PCNX1: variants seen among roughly 807,000 people sequenced by gnomAD.
PCNX1 encodes the protein pecanex-like protein 1.
A neutral mutation model predicts 242.2 loss-of-function variants in PCNX1; 78 were observed. The observed-to-expected ratio is 0.32, with a 90% CI of 0.27 to 0.39. PCNX1 has a LOEUF of 0.39. PCNX1 is among the 10% of genes least tolerant of loss of function. The pLI is 1.00. For missense variants in PCNX1, 2,581 were observed against 2,856.5 expected (o/e 0.90, Z 2.20); for synonymous variants, 1,024 against 1,032.9 (o/e 0.99, Z 0.17).
At chr14:71,086,114 A>AT (rs1247626348) in intron 28 of PCNX1, among the ~76,000 whole-genome samples, 1 of 152,040 alleles carries the variant, frequency 6.6e-6, no homozygotes, top group African/African-American at 2.4e-5. Context: ...CATTCAGTAT[A>AT]TTTTTTATCT....
chr14:70,983,547 C>T (rs1364022575), intron 6 of PCNX1, among the ~76,000 whole-genome samples: 2 of 152,154 alleles, frequency 1.3e-5, no homozygotes, highest in African/African-American at 4.8e-5. Context: ...TTGTGATCCG[C>T]CCACCTCGGC....
rs2057787618 is a variant in PCNX1 at position 70,951,713 on chromosome 14, T to TA, written c.362+4591dup. Among the ~76,000 whole-genome samples the TA allele has an allele frequency of 2.6e-5, 4 of 152,196 alleles. 1 individual carries two copies. In the South Asian group the frequency reaches 8.3e-4, roughly 31 times the overall value. ...TTTTGATTATTCTCATGCATATACT[T>TA]ACTTTTGTGAGATATCTTCATGTGT... On this transcript the variant is annotated intron_variant, in intron 2 of 35. Coordinates refer to ENST00000304743, the MANE Select transcript of PCNX1 (RefSeq NM_014982.3).
rs755545130 is a variant in PCNX1, at chr14:70,907,806, GGACGGCGGCGGCGGCGGCGGC to G, written c.-31_-11del. 1.2e-4 allele frequency: 154 copies of G among 1,233,532 alleles called. 4 individuals are homozygous for G. Among genetic ancestry groups the G allele is most frequent in the Middle Eastern group, 3.2e-4 (1 of 3,100 alleles). The allele number at this position is 1,233,532 out of a possible 1,614,324, so 76.4% of individuals were successfully genotyped here. The stretch of plus-strand genomic sequence containing the variant: ...CGAGGCCGAGCTGGGGCCGGGGCGG[GGACGGCGGCGGCGGCGGCGGC>G]GACGGCGGCGGCGCCGGGTGGGGAT... On this transcript the variant is annotated 5_prime_UTR_variant, in exon 1 of 36. Coordinates refer to ENST00000304743, the MANE Select transcript of PCNX1 (RefSeq NM_014982.3).
chr14:70,946,346 C>T (rs1594983143), intron 1 of PCNX1, among the ~76,000 whole-genome samples: 1 of 152,242 alleles, frequency 6.6e-6, no homozygotes, highest in African/African-American at 2.4e-5. Context: ...TCCTAAAAAA[C>T]GGTTGCACAG....
At chr14:71,103,289 A>G (rs1241760246) in intron 31 of PCNX1, 106 bp from the exon 32 acceptor site, 14 of 1,258,864 alleles carry the variant, frequency 1.1e-5, no homozygotes, top group Admixed American at 4.1e-5. Context: ...GCTTTTCACA[A>G]CTGGTTATCA....
intron 6 of PCNX1, among the ~76,000 whole-genome samples, chr14:70,987,650 T>C (rs2059038200): frequency 6.6e-6 from 1 of 152,232 alleles, no homozygotes; most frequent in Non-Finnish European, 1.5e-5. Context: ...ACAGTTGTTT[T>C]GTTTTATATT....
rs1435221963 is a variant in PCNX1, at chr14:71,046,968, A to G, written c.4023A>G (p.Ala1341=). The G allele has an allele frequency of 1.9e-6, 3 of 1,608,286 alleles. No homozygotes were observed. The highest frequency in any genetic ancestry group is 2.5e-6 in the Non-Finnish European group (3 of 1,177,394). Residue 1341 remains alanine (A), a synonymous_variant, in exon 21 of 36, where the codon GCA becomes GCG. Coordinates refer to ENST00000304743, the MANE Select transcript of PCNX1 (RefSeq NM_014982.3). ...LEYNQYEVRN[A]ATMMWFEKLH... is the part of the protein sequence containing the mutation. Reference sequence around the variant, plus strand: ...TGATTTATACTGCCTTGTTAGATGCAGCCACTATGATGTGGTTTGAGAAAC... The same window carrying G: ...TGATTTATACTGCCTTGTTAGATGCGGCCACTATGATGTGGTTTGAGAAAC...
intron 18 of PCNX1, among the ~76,000 whole-genome samples, chr14:71,034,518 T>A (rs1392821950): frequency 6.6e-6 from 1 of 152,230 alleles, no homozygotes; most frequent in African/African-American, 2.4e-5. Flanking sequence ...CCTGTATTAA[T>A]GTACTTAAGT....
chr14:70,922,114 T>C (rs2056402258), intron 1 of PCNX1, among the ~76,000 whole-genome samples: 3 of 152,202 alleles, frequency 2.0e-5, no homozygotes, highest in African/African-American at 7.2e-5. Context: ...TAACTGATTC[T>C]GGCAATAATG....
chr14:70,932,873 A>G (rs985044409), intron 1 of PCNX1, among the ~76,000 whole-genome samples: 3 of 152,056 alleles, frequency 2.0e-5, no homozygotes, highest in African/African-American at 7.2e-5. Context: ...CGGCCTCCCA[A>G]AGTGCTGAGA....
chr14:71,064,619 A>G (rs1312005537), intron 26 of PCNX1, among the ~76,000 whole-genome samples: 1 of 152,124 alleles, frequency 6.6e-6, no homozygotes, highest in Non-Finnish European at 1.5e-5. Flanking sequence ...ACTTCATGTT[A>G]CAATTTTCTT....
Position 71,115,363 on chromosome 14 carries a change from T to C in PCNX1, c.*5428T>C, listed in dbSNP as rs1454779218. 2 of 152,596 alleles carry C rather than the reference T, an allele frequency of 1.3e-5. No homozygotes were observed. Among genetic ancestry groups the C allele is most frequent in the African/African-American group, 4.8e-5 (2 of 41,438 alleles). The allele number at this position is 152,596 out of a possible 1,614,324, so 9.5% of individuals were successfully genotyped here. A position where few individuals can be genotyped will look rare whatever the true frequency, so the allele number is the denominator to read the frequency against. On this transcript the variant is annotated 3_prime_UTR_variant, in exon 36 of 36. Coordinates refer to ENST00000304743, the MANE Select transcript of PCNX1 (RefSeq NM_014982.3). ...GACAGTGGATAAAACACTGAGGAAA[T>C]AAATTTTTTTTCATTTTGCCTTCTG...
At chr14:71,062,712 T>G (rs1030115199) in intron 26 of PCNX1, among the ~76,000 whole-genome samples, 3 of 152,158 alleles carry the variant, frequency 2.0e-5, no homozygotes, top group African/African-American at 7.2e-5. Context: ...TAAGGTATAG[T>G]GTTTATAAAG....
At chr14:71,085,343 T>C (rs1201789884) in intron 28 of PCNX1, 1 of 152,262 alleles carries the variant, frequency 6.6e-6, no homozygotes, top group Non-Finnish European at 1.5e-5. Context: ...GATTCTTCAA[T>C]CTGTAAGTAC....
At chr14:70,938,999 G>A (rs1036431634) in intron 1 of PCNX1, among the ~76,000 whole-genome samples, 6 of 152,086 alleles carry the variant, frequency 3.9e-5, no homozygotes, top group East Asian at 1.9e-4. Context: ...TTTTTATTGC[G>A]TCTATTTGAT....
In PCNX1 at chr14:71,113,520, A is replaced by G. The variant is rs1236393353; in HGVS notation, c.*3585A>G. On this transcript the variant is annotated 3_prime_UTR_variant, in exon 36 of 36. Transcript: ENST00000304743. ...GCAAGTTTAGCTTATAGCCTTGATA[A>G]ATTCCTCTGTGCTTCTGAGCAGCAT... 1 of 152,662 alleles carries G rather than the reference A, an allele frequency of 6.6e-6. No individual in the cohort carries two copies. Among genetic ancestry groups the G allele is most frequent in the Non-Finnish European group, 1.5e-5 (1 of 68,044 alleles). The allele number at this position is 152,662 out of a possible 1,614,324, so 9.5% of individuals were successfully genotyped here.
chr14:71,069,667 G>A lies in PCNX1; in HGVS notation c.4853-3878G>A, dbSNP rs76474631. Among the ~76,000 whole-genome samples the A allele has an allele frequency of 8.6e-3, 1,314 of 152,244 alleles. 12 individuals carry two copies. Among genetic ancestry groups the A allele is most frequent in the African/African-American group, 0.03 (1,239 of 41,538 alleles). Reference sequence around the variant, plus strand: ...TGTATTAAATGTGCAATAGCATTATGGCTAAAGAAAGAATGTACTACATAT... The same window carrying A: ...TGTATTAAATGTGCAATAGCATTATAGCTAAAGAAAGAATGTACTACATAT... On this transcript the variant is annotated intron_variant, in intron 26 of 35. Transcript: ENST00000304743.
intron 2 of PCNX1, among the ~76,000 whole-genome samples, chr14:70,955,509 C>G (rs1432009256): frequency 6.6e-6 from 1 of 152,180 alleles, no homozygotes; most frequent in African/African-American, 2.4e-5. Flanking sequence ...TTTGTGAAGA[C>G]TTCTCTGTAA....
chr14:71,088,574 T>G (rs2062051457), intron 29 of PCNX1, 144 bp downstream of exon 29: 1 of 520,994 alleles, frequency 1.9e-6, no homozygotes, highest in Non-Finnish European at 3.5e-6. Flanking sequence ...CATCATCTTC[T>G]TGAACATAGG....
Sources: allele counts gnomAD v4.1 joint callset (sites outside exome capture counted in the v4.1 genomes callset), GRCh38; gene constraint gnomAD v4.1.1; transcripts MANE v1.5; gene names NCBI Gene and HGNC (gene_info 2026-07-23, HGNC 2026-07-21).